Variants in PITX3 observed in about 807,000 individuals in gnomAD.
The protein encoded by PITX3 is pituitary homeobox 3.
A neutral mutation model predicts 14.2 loss-of-function variants in PITX3; 4 were observed. The ratio of observed to expected loss-of-function variants is 0.28; its 90% CI spans 0.14 to 0.65. The LOEUF is 0.65. Among genes scored for constraint, PITX3 ranks in the 30% least tolerant of loss-of-function variants. The pLI, the probability that PITX3 is intolerant of heterozygous loss-of-function variation, is 0.82. For synonymous variants in PITX3, 194 were observed against 204.5 expected, an observed-to-expected ratio of 0.95 and a Z score of 0.44; for missense variants, 358 against 426.8, an observed-to-expected ratio of 0.84 and a Z score of 1.42.
chr10:102,238,067 C>T (rs889398475), intron 1 of PITX3, among the ~76,000 whole-genome samples: 16 of 152,108 alleles, frequency 1.1e-4, no homozygotes, highest in East Asian at 5.8e-4. Context: ...AAAAAGGCCC[C>T]GGGGCAGGAC....
chr10:102,238,478 G>A (rs1448109036), intron 1 of PITX3, among the ~76,000 whole-genome samples: 1 of 152,214 alleles, frequency 6.6e-6, no homozygotes, highest in Non-Finnish European at 1.5e-5. Context: ...AGCGGCAGGG[G>A]TAGTGGCCAG....
intron 1 of PITX3, among the ~76,000 whole-genome samples, chr10:102,239,962 A>G (rs1318086216): frequency 6.6e-6 from 1 of 152,238 alleles, no homozygotes; most frequent in Non-Finnish European, 1.5e-5. Flanking sequence ...TCTGGATTCC[A>G]TGAGCCTCCT....
intron 3 of PITX3, 52 bp from the exon 4 acceptor site, chr10:102,231,153 T>C (rs889575382): frequency 4.8e-6 from 7 of 1,457,176 alleles, no homozygotes; most frequent in Non-Finnish European, 6.3e-6. Flanking sequence ...TCCCAGCGGC[T>C]GAAGGGCGGG....
chr10:102,237,682 C>A (rs1202259086), intron 1 of PITX3, among the ~76,000 whole-genome samples: 1 of 152,170 alleles, frequency 6.6e-6, no homozygotes, highest in Non-Finnish European at 1.5e-5. Flanking sequence ...GTTTTGAGGT[C>A]ACCAGCTTTA....
chr10:102,231,837 A>G (rs985294252), intron 2 of PITX3, 47 bp from the exon 3 acceptor site: 1 of 1,592,158 alleles, frequency 6.3e-7, no homozygotes, highest in Admixed American at 1.7e-5. Context: ...AAGCCAGCGC[A>G]TATTCTCCGG....
chr10:102,233,304 C>CTTTTTT (rs35379060), intron 1 of PITX3, among the ~76,000 whole-genome samples: 2 of 107,906 alleles, frequency 1.9e-5, no homozygotes, highest in Non-Finnish European at 3.5e-5. Context: ...TTTTTTCCTT[C>CTTTTTT]TTTTTTTTTT....
In PITX3 at chr10:102,230,727, G is replaced by A; in HGVS notation, c.696C>T (p.Ser232=). The A allele has an allele frequency of 6.6e-7, 1 of 1,518,094 alleles. No individual in the cohort carries two copies. The highest frequency in any genetic ancestry group is 1.4e-5 in the African/African-American group (1 of 69,984). 94.0% of individuals were successfully genotyped at this position (1,518,094 alleles called of 1,614,324 possible). ...AGGCATAAGGGCAGGACACGGCCCC[G>A]GAGGACACGGCGGCCGGAGCCAGCC... ...PPGLAPAAVS[S]GAVSCPYASA... The change falls in exon 4 of 4, where the codon TCC becomes TCT. Residue 232 remains serine (S), a synonymous_variant. Transcript: ENST00000370002.
At chr10:102,237,231 G>C (rs766752528) in intron 1 of PITX3, among the ~76,000 whole-genome samples, 6 of 152,210 alleles carry the variant, frequency 3.9e-5, no homozygotes, top group Non-Finnish European at 8.8e-5. Context: ...CTCCCAGACT[G>C]TGGGAGATCA....
chr10:102,235,519 G>A (rs572420769), intron 1 of PITX3, among the ~76,000 whole-genome samples: 312 of 152,248 alleles, frequency 2.0e-3, no homozygotes, highest in Non-Finnish European at 3.2e-3. Flanking sequence ...ATCTCCGAAA[G>A]GAAGTTCATG....
intron 1 of PITX3, among the ~76,000 whole-genome samples, chr10:102,238,569 C>G (rs1427444086): frequency 2.6e-5 from 4 of 152,314 alleles, no homozygotes; most frequent in Middle Eastern, 6.8e-3. Context: ...TTAGGCTGCT[C>G]TAAGTCTCAG....
chr10:102,235,412 G>T (rs1408095967), intron 1 of PITX3, among the ~76,000 whole-genome samples: 1 of 152,096 alleles, frequency 6.6e-6, no homozygotes, highest in Non-Finnish European at 1.5e-5. Context: ...AAGAAATTAG[G>T]TTTAGAGTCA....
At chr10:102,233,706 G>A (rs1418402584) in intron 1 of PITX3, among the ~76,000 whole-genome samples, 6 of 152,166 alleles carry the variant, frequency 3.9e-5, no homozygotes, top group Non-Finnish European at 5.9e-5. Context: ...CTGGTCTCAT[G>A]CCTGCACCGA....
At chr10:102,235,190 G>A (rs970049061) in intron 1 of PITX3, among the ~76,000 whole-genome samples, 84 of 59,660 alleles carry the variant, frequency 1.4e-3, no homozygotes, top group Non-Finnish European at 1.7e-3. Context: ...CCCCCCCACC[G>A]CCTCCCTGGC....
chr10:102,240,902 G>C (rs1290210787), intron 1 of PITX3, among the ~76,000 whole-genome samples: 1 of 152,196 alleles, frequency 6.6e-6, no homozygotes, highest in Non-Finnish European at 1.5e-5. Context: ...CTGAGCCTAG[G>C]CCGAGGGGCA....
intron 1 of PITX3, among the ~76,000 whole-genome samples, chr10:102,238,388 T>A (rs1452085994): frequency 6.6e-6 from 1 of 152,166 alleles, no homozygotes; most frequent in Non-Finnish European, 1.5e-5. Flanking sequence ...AATGTTCCCA[T>A]CCCTGAGCAG....
At chr10:102,238,832 C>A (rs369993631) in intron 1 of PITX3, among the ~76,000 whole-genome samples, 1 of 152,160 alleles carries the variant, frequency 6.6e-6, no homozygotes, top group Non-Finnish European at 1.5e-5. Flanking sequence ...TCACTCCCTC[C>A]ACCCTGTAGC....
In PITX3 at chr10:102,231,498, G is replaced by A. The variant is rs2070235936; in HGVS notation, c.321+90C>T. 11 of 845,226 alleles carry A rather than the reference G, an allele frequency of 1.3e-5. No individual in the cohort carries two copies. In the South Asian group the frequency reaches 1.7e-4, roughly 13 times the overall value. 52.4% of individuals were successfully genotyped at this position (845,226 alleles called of 1,614,324 possible). A position where few individuals can be genotyped will look rare whatever the true frequency, so the allele number is the denominator to read the frequency against. ...TCCGGGGTCCGGGGTCCGAGGGAGG[G>A]GGCAGGTGGGGTGGAACCGCTGGCC... On this transcript the variant is annotated intron_variant, in intron 3 of 3. Coordinates refer to ENST00000370002, the MANE Select transcript of PITX3 (RefSeq NM_005029.4).
At chr10:102,231,201 A>G (rs1429504607) in intron 3 of PITX3, 100 bp from the exon 4 acceptor site, 4 of 1,184,582 alleles carry the variant, frequency 3.4e-6, no homozygotes, top group Non-Finnish European at 4.6e-6. Flanking sequence ...CCCTGCGGTC[A>G]ATAAACGAGA....
chr10:102,232,170 C>T (rs751497876), intron 1 of PITX3, 78 bp from the exon 2 acceptor site: 1 of 802,150 alleles, frequency 1.2e-6, no homozygotes, highest in South Asian at 1.4e-5. Flanking sequence ...AGCGTTTCCT[C>T]GTAAATTCCC....
Sources: allele counts gnomAD v4.1 joint callset (sites outside exome capture counted in the v4.1 genomes callset), GRCh38; gene constraint gnomAD v4.1.1; transcripts MANE v1.5; gene names NCBI Gene and HGNC (gene_info 2026-07-23, HGNC 2026-07-21).